Variants in PDGFC observed in about 807,000 individuals in gnomAD.
PDGFC encodes the protein platelet-derived growth factor C.
Under a neutral mutation model 35.5 loss-of-function variants are expected in PDGFC, and 12 were observed. That is an observed-to-expected ratio of 0.34 (90% CI 0.22 to 0.55). PDGFC has a LOEUF of 0.55. Among genes scored for constraint, PDGFC ranks in the 20% least tolerant of loss-of-function variants. The pLI, the probability that PDGFC is intolerant of heterozygous loss-of-function variation, is 0.91. For synonymous variants in PDGFC, 159 were observed against 148.8 expected, an observed-to-expected ratio of 1.07 and a Z score of -0.50; for missense variants, 322 against 412.4, an observed-to-expected ratio of 0.78 and a Z score of 1.90.
intron 2 of PDGFC, among the ~76,000 whole-genome samples, chr4:156,848,096 A>G (rs554254726): frequency 6.6e-6 from 1 of 152,020 alleles, no homozygotes; most frequent in East Asian, 1.9e-4. Context: ...CAAACAGATC[A>G]ATACAAAAGG....
intron 1 of PDGFC, among the ~76,000 whole-genome samples, chr4:156,922,155 A>AGTGTGTGTGTGTGTGTGT (rs3070262): frequency 1.2e-4 from 18 of 145,374 alleles, no homozygotes; most frequent in African/African-American, 4.0e-4. Context: ...AAGGATTCAT[A>AGTGTGTGTGTGTGTGTGT]GTGTGTGTGT....
intron 3 of PDGFC, chr4:156,779,018 A>T: frequency 2.7e-6 from 1 of 370,182 alleles, no homozygotes; most frequent in South Asian, 2.0e-5. Flanking sequence ...CTTGGGTAAC[A>T]TCACTTCTTA....
intron 2 of PDGFC, among the ~76,000 whole-genome samples, chr4:156,815,226 C>A (rs1966534): frequency 0.46 from 69,369 of 151,296 alleles, 18,548 homozygotes; most frequent in African/African-American, 0.75. Flanking sequence ...TATATAATTC[C>A]AAATTCATGC....
chr4:156,965,624 G>A (rs1484687498), intron 1 of PDGFC, among the ~76,000 whole-genome samples: 1 of 151,942 alleles, frequency 6.6e-6, no homozygotes, highest in Non-Finnish European at 1.5e-5. Flanking sequence ...GAGAGGCAGG[G>A]GCAAATGACT....
intron 1 of PDGFC, among the ~76,000 whole-genome samples, chr4:156,910,086 AC>A (rs1419343390): frequency 6.6e-6 from 1 of 152,154 alleles, no homozygotes; most frequent in Non-Finnish European, 1.5e-5. Flanking sequence ...CACCCTGCAG[AC>A]ACCTGGATTT....
intron 2 of PDGFC, among the ~76,000 whole-genome samples, chr4:156,832,913 T>C (rs1728980233): frequency 6.6e-6 from 1 of 152,208 alleles, no homozygotes; most frequent in Non-Finnish European, 1.5e-5. Flanking sequence ...TACTTTTCAG[T>C]TAAATGTAAT....
intron 1 of PDGFC, chr4:156,861,577 T>G (rs750645442): frequency 3.0e-5 from 13 of 436,070 alleles, no homozygotes; most frequent in Middle Eastern, 3.5e-4. Context: ...TTTCAGATTT[T>G]GGAAGTTAAA....
chr4:156,963,572 G>T lies in PDGFC; in HGVS notation c.118+7214C>A, dbSNP rs776422355. ...AGGAATTAAGTGGAATAGCAAGAGAGCAAATTTAGTGAAGCCAGCCTGGCA... is the reference window on the plus strand; with the variant it reads ...AGGAATTAAGTGGAATAGCAAGAGATCAAATTTAGTGAAGCCAGCCTGGCA... On this transcript the variant is annotated intron_variant, in intron 1 of 5. Coordinates refer to ENST00000502773, the MANE Select transcript of PDGFC (RefSeq NM_016205.3). 2.0e-4 allele frequency among the ~76,000 whole-genome samples: 31 copies of T among 152,048 alleles called. 1 individual carries two copies. Among genetic ancestry groups the T allele is most frequent in the Non-Finnish European group, 4.1e-4 (28 of 68,010 alleles).
At chr4:156,871,695 A>G (rs938534872) in intron 1 of PDGFC, among the ~76,000 whole-genome samples, 7 of 152,142 alleles carry the variant, frequency 4.6e-5, no homozygotes, top group African/African-American at 7.2e-5. Flanking sequence ...AATATACTAT[A>G]TAAGTACTTT....
chr4:156,793,661 A>G (rs1393549178), intron 3 of PDGFC, among the ~76,000 whole-genome samples: 1 of 151,114 alleles, frequency 6.6e-6, no homozygotes, highest in African/African-American at 2.4e-5. Flanking sequence ...TTAAATACCA[A>G]TCAGGGGGGC....
At chr4:156,867,117 T>C (rs1022729355) in intron 1 of PDGFC, among the ~76,000 whole-genome samples, 3 of 152,260 alleles carry the variant, frequency 2.0e-5, no homozygotes, top group Non-Finnish European at 4.4e-5. Flanking sequence ...TATAATTTTT[T>C]TAATATTTCA....
intron 1 of PDGFC, among the ~76,000 whole-genome samples, chr4:156,943,487 G>A (rs1186007680): frequency 6.6e-6 from 1 of 152,056 alleles, no homozygotes; most frequent in Non-Finnish European, 1.5e-5. Context: ...CAAGATCCGG[G>A]AGGATTCAAA....
At chr4:156,897,345 A>AGTGTGTGTGT (rs1444359699) in intron 1 of PDGFC, among the ~76,000 whole-genome samples, 23 of 86,490 alleles carry the variant, frequency 2.7e-4, no homozygotes, top group Non-Finnish European at 4.5e-4. Flanking sequence ...AGTGTGTGAG[A>AGTGTGTGTGT]GTGTATGTGT....
chr4:156,961,918 C>T (rs1258878067), intron 1 of PDGFC, among the ~76,000 whole-genome samples: 1 of 152,124 alleles, frequency 6.6e-6, no homozygotes. Context: ...GAGAGTGGAA[C>T]TGAGGCTGCG....
At chr4:156,798,065 G>A (rs1308926275) in intron 3 of PDGFC, among the ~76,000 whole-genome samples, 6 of 152,092 alleles carry the variant, frequency 3.9e-5, no homozygotes, top group East Asian at 1.9e-4. Flanking sequence ...GGTGGCGGGC[G>A]CCTGTAATCC....
intron 2 of PDGFC, among the ~76,000 whole-genome samples, chr4:156,844,646 G>A (rs558630401): frequency 5.3e-5 from 8 of 151,172 alleles, no homozygotes; most frequent in East Asian, 1.9e-4. Context: ...AAAGAATGCC[G>A]GACAAAAATA....
At chr4:156,921,203 T>C (rs1002721408) in intron 1 of PDGFC, among the ~76,000 whole-genome samples, 5 of 152,184 alleles carry the variant, frequency 3.3e-5, no homozygotes, top group African/African-American at 1.2e-4. Flanking sequence ...ATAAATGCTT[T>C]GTGCCAGTAG....
chr4:156,870,287 T>C (rs1412446933), intron 1 of PDGFC, among the ~76,000 whole-genome samples: 1 of 152,172 alleles, frequency 6.6e-6, no homozygotes, highest in African/African-American at 2.4e-5. Flanking sequence ...TAGGATTTTT[T>C]TTCCTCTCCT....
chr4:156,881,324 C>T (rs1388363186), intron 1 of PDGFC, among the ~76,000 whole-genome samples: 7 of 152,028 alleles, frequency 4.6e-5, no homozygotes, highest in Non-Finnish European at 5.9e-5. Flanking sequence ...AGATATAATG[C>T]TACTGTATAC....
Sources: gnomAD v4.1 joint callset for allele counts (sites outside exome capture counted in the v4.1 genomes callset) on GRCh38, gnomAD v4.1.1 for gene constraint, MANE v1.5 for transcripts, NCBI Gene and HGNC (gene_info 2026-07-23, HGNC 2026-07-21) for gene names.